Variants in CLNK observed in about 807,000 individuals in gnomAD.
The protein encoded by CLNK is cytokine-dependent hematopoietic cell linker.
In CLNK, 74 loss-of-function variants were observed where a neutral mutation model predicts 68.6. The ratio of observed to expected loss-of-function variants is 1.08; its 90% CI spans 0.89 to 1.31. The LOEUF (loss-of-function observed/expected upper bound fraction) is 1.31. Among genes scored for constraint, CLNK ranks in the 50% most tolerant of loss-of-function variants. The pLI, the probability that CLNK is intolerant of heterozygous loss-of-function variation, is 0.00. For synonymous variants in CLNK, 198 were observed against 172.2 expected, an observed-to-expected ratio of 1.15 and a Z score of -1.17; for missense variants, 553 against 515.3, an observed-to-expected ratio of 1.07 and a Z score of -0.71.
rs1254929434 is a variant in CLNK at position 10,581,365 on chromosome 4, AGAG to A, written c.112+3559_112+3561del. ...TACATACACACACACACACATATAA[AGAG>A]AGAGGAGAGAGAGAGACTCAGTCAT... On this transcript the variant is annotated intron_variant, in intron 4 of 18. Coordinates refer to ENST00000226951, the MANE Select transcript of CLNK (RefSeq NM_052964.4). Among the ~76,000 whole-genome samples the A allele has an allele frequency of 5.3e-5, 8 of 152,314 alleles. No individual in the cohort carries two copies. The South Asian group carries it at 1.7e-3, about 32-fold the overall frequency.
At chr4:10,640,762 C>G (rs908904526) in intron 2 of CLNK, among the ~76,000 whole-genome samples, 5 of 152,304 alleles carry the variant, frequency 3.3e-5, no homozygotes, top group Middle Eastern at 3.4e-3. Context: ...TCCCAAGCAC[C>G]GCAGGCTTCT....
intron 2 of CLNK, among the ~76,000 whole-genome samples, chr4:10,612,888 T>G (rs1051022093): frequency 2.0e-5 from 3 of 152,238 alleles, no homozygotes; most frequent in African/African-American, 7.2e-5. Flanking sequence ...ATTGAGAATA[T>G]TGTAAGAATT....
At position 10,683,101 on chromosome 4, in the gene CLNK, C is replaced by G. The variant is rs189704252; in HGVS notation, c.-43+1567G>C. Among the ~76,000 whole-genome samples, 964 of 152,158 alleles carry G rather than the reference C, an allele frequency of 6.3e-3. 7 individuals carry two copies. The highest frequency in any genetic ancestry group is 0.022 in the African/African-American group (900 of 41,516). On this transcript the variant is annotated intron_variant, in intron 1 of 18. Coordinates refer to ENST00000226951, the MANE Select transcript of CLNK (RefSeq NM_052964.4). Reference sequence around the variant, plus strand: ...TATTGAGGCTAAATAATTGTCAATACAAGTCTTATGAGATCTTACTTTATT... The same window carrying G: ...TATTGAGGCTAAATAATTGTCAATAGAAGTCTTATGAGATCTTACTTTATT...
chr4:10,626,825 A>C (rs1276015646), intron 2 of CLNK, among the ~76,000 whole-genome samples: 1 of 152,204 alleles, frequency 6.6e-6, no homozygotes, highest in Non-Finnish European at 1.5e-5. Context: ...ATGGAGTGTC[A>C]TGCCACGTGC....
At chr4:10,617,437 G>C (rs1216783469) in intron 2 of CLNK, among the ~76,000 whole-genome samples, 3 of 152,106 alleles carry the variant, frequency 2.0e-5, no homozygotes, top group Non-Finnish European at 4.4e-5. Flanking sequence ...ATCCCCTTAC[G>C]AACTACCATG....
chr4:10,686,300 C>G (rs768547181), upstream of CLNK, among the ~76,000 whole-genome samples: 5 of 151,976 alleles, frequency 3.3e-5, no homozygotes, highest in Non-Finnish European at 7.4e-5. Flanking sequence ...CTTTAAAGAC[C>G]CAGTCTCCAT....
rs566831235 is a variant in CLNK at position 10,615,630 on chromosome 4, C to T, written c.12-17581G>A. Among the ~76,000 whole-genome samples, 40 of 152,314 alleles carry T rather than the reference C, an allele frequency of 2.6e-4. No homozygotes were observed. The East Asian group carries it at 7.5e-3, about 29-fold the overall frequency. On this transcript the variant is annotated intron_variant, in intron 2 of 18. Coordinates refer to ENST00000226951, the MANE Select transcript of CLNK (RefSeq NM_052964.4). ...CCTGCTCCAGGTATAGACCCCAGGACTTTTGAGGGGCAGATGAGGATGCGA... is the reference window on the plus strand; with the variant it reads ...CCTGCTCCAGGTATAGACCCCAGGATTTTTGAGGGGCAGATGAGGATGCGA...
At chr4:10,627,274 G>A (rs1396367904) in intron 2 of CLNK, among the ~76,000 whole-genome samples, 1 of 152,128 alleles carries the variant, frequency 6.6e-6, no homozygotes, top group Non-Finnish European at 1.5e-5. Context: ...CCTTTATGCA[G>A]AACAGGAAGC....
intron 12 of CLNK, 59 bp downstream of exon 12, chr4:10,532,197 C>T: frequency 7.8e-7 from 1 of 1,283,936 alleles, no homozygotes; most frequent in South Asian, 1.2e-5. Context: ...TTGCCTATTG[C>T]AGACATTTAA....
chr4:10,674,563 C>T (rs1314678594), intron 1 of CLNK, among the ~76,000 whole-genome samples: 1 of 151,986 alleles, frequency 6.6e-6, no homozygotes, highest in African/African-American at 2.4e-5. Flanking sequence ...CAAAATGAAC[C>T]CCAGTTTGAG....
the CLNK span, among the ~76,000 whole-genome samples, chr4:10,706,428 C>T: frequency 1.3e-5 from 2 of 152,206 alleles, no homozygotes; most frequent in Non-Finnish European, 2.9e-5. Flanking sequence ...GTCTGGATTT[C>T]CTGGTGTATA....
intron 2 of CLNK, among the ~76,000 whole-genome samples, chr4:10,609,825 C>A (rs1211833893): frequency 2.0e-5 from 3 of 152,048 alleles, no homozygotes; most frequent in Non-Finnish European, 4.4e-5. Context: ...ATATCATCTG[C>A]TTGAACCTGC....
intron 3 of CLNK, among the ~76,000 whole-genome samples, chr4:10,586,970 T>C (rs1485832324): frequency 6.6e-6 from 1 of 152,112 alleles, no homozygotes; most frequent in African/African-American, 2.4e-5. Flanking sequence ...TTTCTTTTTT[T>C]TTTTGAGACA....
intron 16 of CLNK, among the ~76,000 whole-genome samples, chr4:10,509,324 C>G (rs1413673380): frequency 6.6e-6 from 1 of 152,084 alleles, no homozygotes; most frequent in Non-Finnish European, 1.5e-5. Flanking sequence ...TGAGCTAGCT[C>G]TAACTCAACC....
chr4:10,678,602 C>A (rs374621783), intron 1 of CLNK, among the ~76,000 whole-genome samples: 1 of 152,052 alleles, frequency 6.6e-6, no homozygotes, highest in African/African-American at 2.4e-5. Flanking sequence ...AATAGAACTT[C>A]TTCAGGTCAA....
chr4:10,614,142 A>C (rs2108856073), intron 2 of CLNK, among the ~76,000 whole-genome samples: 1 of 152,320 alleles, frequency 6.6e-6, no homozygotes. Context: ...AACTCCAGTA[A>C]ATGTAGTGAT....
At chr4:10,601,531 A>T (rs953081616) in intron 2 of CLNK, among the ~76,000 whole-genome samples, 1 of 152,194 alleles carries the variant, frequency 6.6e-6, no homozygotes, top group African/African-American at 2.4e-5. Flanking sequence ...AAAATATACA[A>T]TGCTGGGAGA....
At chr4:10,592,996 G>A (rs1183135608) in intron 3 of CLNK, among the ~76,000 whole-genome samples, 1 of 152,114 alleles carries the variant, frequency 6.6e-6, no homozygotes, top group African/African-American at 2.4e-5. Context: ...CAAAGTGCTG[G>A]GATTACAAGT....
intron 4 of CLNK, among the ~76,000 whole-genome samples, chr4:10,573,186 T>C (rs1313823947): frequency 6.6e-6 from 1 of 152,188 alleles, no homozygotes; most frequent in African/African-American, 2.4e-5. Context: ...TACCAAAATA[T>C]GAAATAAAGA....
Sources: allele counts gnomAD v4.1 joint callset (sites outside exome capture counted in the v4.1 genomes callset), GRCh38; gene constraint gnomAD v4.1.1; transcripts MANE v1.5; gene names NCBI Gene and HGNC (gene_info 2026-07-23, HGNC 2026-07-21).